UNC79: variants seen among roughly 807,000 people sequenced by gnomAD.
UNC79 encodes protein unc-79 homolog.
Under a neutral mutation model 283.1 loss-of-function variants are expected in UNC79, and 37 were observed. The ratio of observed to expected loss-of-function variants is 0.13; its 90% CI spans 0.10 to 0.17. UNC79 has a LOEUF of 0.17. Ranked by LOEUF, UNC79 falls within the 10% of genes least tolerant of loss-of-function variation. The probability of loss-of-function intolerance (pLI) is 1.00; values close to 1 mark genes in which losing one functional copy is unlikely to be tolerated. For missense variants in UNC79, 2,272 were observed against 3,211.1 expected (o/e 0.71, Z 7.07); for synonymous variants, 1,107 against 1,200.2 (o/e 0.92, Z 1.61).
intron 34 of UNC79, among the ~76,000 whole-genome samples, chr14:93,645,698 T>A (rs2069521737): frequency 6.6e-6 from 1 of 152,144 alleles, no homozygotes; most frequent in South Asian, 2.1e-4. Flanking sequence ...TCTTACATGA[T>A]CCCTTTCTGT....
chr14:93,566,284 A>G (rs533943546), intron 14 of UNC79, among the ~76,000 whole-genome samples: 5 of 152,240 alleles, frequency 3.3e-5, no homozygotes, highest in Admixed American at 3.3e-4. Flanking sequence ...GGCCAAGTGG[A>G]TTTCCTAGAC....
chr14:93,622,831 G>C (rs200838755), exon 30 of UNC79: 2 of 1,613,154 alleles, frequency 1.2e-6, no homozygotes, highest in Non-Finnish European at 1.7e-6. Flanking sequence ...TGGGAGAACA[G>C]AAAGATCCAG....
chr14:93,405,072 C>T (rs889881867), intron 1 of UNC79, among the ~76,000 whole-genome samples: 5 of 151,978 alleles, frequency 3.3e-5, no homozygotes, highest in East Asian at 1.9e-4. Context: ...CACCTGAGGT[C>T]GGTAGTTCGA....
chr14:93,706,996 T>C (rs1253716681), downstream of UNC79: 4 of 1,439,794 alleles, frequency 2.8e-6, no homozygotes, highest in African/African-American at 1.4e-5. Context: ...GGGGAACATA[T>C]TGGTACTGTA....
At chr14:93,354,957 C>A (rs1371317295) in intron 1 of UNC79, among the ~76,000 whole-genome samples, 4 of 151,716 alleles carry the variant, frequency 2.6e-5, no homozygotes, top group African/African-American at 9.7e-5. Flanking sequence ...CAAAAGTAAG[C>A]TAGTATGGTC....
intron 1 of UNC79, among the ~76,000 whole-genome samples, chr14:93,452,152 A>G (rs1036758634): frequency 2.0e-5 from 3 of 152,090 alleles, no homozygotes; most frequent in Admixed American, 1.3e-4. Flanking sequence ...GCGTTGCCCA[A>G]CCTCTTCTTT....
intron 45 of UNC79, 151 bp from the exon 49 acceptor site, chr14:93,691,598 G>A (rs1251417521): frequency 6.6e-6 from 5 of 757,186 alleles, no homozygotes; most frequent in Non-Finnish European, 1.1e-5. Context: ...GTTTCAAGGT[G>A]ATGAATCATG....
At chr14:93,429,634 C>A (rs954659881), upstream of UNC79, among the ~76,000 whole-genome samples, 1 of 152,164 alleles carries the variant, frequency 6.6e-6, no homozygotes, top group Non-Finnish European at 1.5e-5. Flanking sequence ...TAAATAGGAT[C>A]TTTTATTCTC....
chr14:93,425,166 G>GT (rs2055696424), intron 1 of UNC79, among the ~76,000 whole-genome samples: 1 of 152,162 alleles, frequency 6.6e-6, no homozygotes, highest in East Asian at 1.9e-4. Context: ...AACAATCATG[G>GT]TGGAAGGGGA....
intron 7 of UNC79, among the ~76,000 whole-genome samples, chr14:93,510,215 C>A (rs2059754662): frequency 6.6e-6 from 1 of 152,208 alleles, no homozygotes; most frequent in Admixed American, 6.5e-5. Flanking sequence ...ACCATTCTTC[C>A]CTCCTAGGCC....
chr14:93,590,776 C>T (rs79308163), intron 22 of UNC79, among the ~76,000 whole-genome samples: 2,580 of 152,242 alleles, frequency 0.017, 37 homozygotes, highest in South Asian at 0.086. Context: ...TGGGACTGGC[C>T]GAATCTTGGG....
intron 7 of UNC79, among the ~76,000 whole-genome samples, chr14:93,517,756 G>A (rs1445084335): frequency 6.6e-6 from 1 of 151,498 alleles, no homozygotes; most frequent in Non-Finnish European, 1.5e-5. Context: ...AAATTCTTTA[G>A]CCTCCTAATT....
rs113905140 is a variant in UNC79, at chr14:93,399,834, A to G, written c.-351+66311A>G. On this transcript the variant is annotated intron_variant, in intron 1 of 49. Transcript: ENST00000256339. ...TCTCCTATGTGCAGATTTCCTGCAT[A>G]TATACATGTGTGTGTATAGAAAACA... Among the ~76,000 whole-genome samples, 383 of 152,268 alleles carry G rather than the reference A, an allele frequency of 2.5e-3. 2 individuals are homozygous for G. Among genetic ancestry groups the G allele is most frequent in the Non-Finnish European group, 4.7e-3 (322 of 68,028 alleles).
chr14:93,588,671 G>A (rs1282142799), intron 22 of UNC79, among the ~76,000 whole-genome samples: 1 of 150,184 alleles, frequency 6.7e-6, no homozygotes, highest in Admixed American at 6.7e-5. Context: ...AACCCGGGAG[G>A]TGGAGCTTGC....
chr14:93,598,392 GT>G (rs2065239092), intron 24 of UNC79, among the ~76,000 whole-genome samples: 9 of 151,708 alleles, frequency 5.9e-5, no homozygotes, highest in Admixed American at 1.3e-4. Context: ...GTGTGTGTGT[GT>G]GTGTGTGTGT....
At position 93,621,661 on chromosome 14, in the gene UNC79, A is replaced by G. The variant is rs1330095646; in HGVS notation, c.4428A>G (p.Leu1476=). 1.2e-6 allele frequency: 2 copies of G among 1,603,098 alleles called. No homozygotes were observed. Among genetic ancestry groups the G allele is most frequent in the Non-Finnish European group, 1.7e-6 (2 of 1,175,220 alleles). Residue 1476 remains leucine (L), a synonymous_variant, in exon 30 of 49, where the codon TTA becomes TTG. Transcript: ENST00000555664. This position sits in a 1 kb window ranked among gnomAD's most constrained non-coding sequence, Gnocchi z 4.8. ...CTGAATATAGAGAGACGGGTGCATT[A>G]CAAGACAGCCTTCTCCACTGTGTGA... is the stretch of plus-strand genomic sequence containing the variant.
intron 1 of UNC79, among the ~76,000 whole-genome samples, chr14:93,337,377 T>G (rs2053601350): frequency 6.6e-6 from 1 of 152,236 alleles, no homozygotes; most frequent in Non-Finnish European, 1.5e-5. Context: ...GGACAAGAAC[T>G]CGGGAACCTT....
At chr14:93,466,325 T>G (rs1285772520) in intron 1 of UNC79, among the ~76,000 whole-genome samples, 1 of 152,248 alleles carries the variant, frequency 6.6e-6, no homozygotes, top group Non-Finnish European at 1.5e-5. Flanking sequence ...GAAATTGCTT[T>G]GATGTCAAGC....
At position 93,538,034 on chromosome 14, in the gene UNC79, G is replaced by A. The variant is rs759953850; in HGVS notation, c.1168G>A (p.Ala390Thr). The change falls in exon 12 of 49, where the codon GCA becomes ACA. Residue 390 changes from alanine to threonine, a missense_variant. Coordinates refer to ENST00000555664, the Ensembl canonical transcript of UNC79. ...AAGAGCAGTTGTCACCTGCTTCTCA[G>A]CAGGGTGCTGTGGTCGTCACGGAAA... The A allele has an allele frequency of 3.1e-6, 5 of 1,613,994 alleles. No homozygotes were observed. The African/African-American group carries it at 6.7e-5, about 22-fold the overall frequency.
Sources: allele counts gnomAD v4.1 joint callset (sites outside exome capture counted in the v4.1 genomes callset), GRCh38; gene constraint gnomAD v4.1.1; non-coding constraint Gnocchi (gnomAD v3.1); transcripts MANE v1.5; gene names NCBI Gene and HGNC (gene_info 2026-07-23, HGNC 2026-07-21).